The following DHRSX variants were observed in gnomAD, a reference collection of about 807,000 sequenced individuals.
DHRSX encodes polyprenol dehydrogenase.
Under a neutral mutation model 34.0 loss-of-function variants are expected in DHRSX, and 31 were observed. The observed-to-expected ratio is 0.91, with a 90% confidence interval of 0.69 to 1.23. The LOEUF is 1.23. Ranked by LOEUF, DHRSX falls within the 50% of genes most tolerant of loss-of-function variation. The pLI, the probability that DHRSX is intolerant of heterozygous loss-of-function variation, is 0.00. For missense variants in DHRSX, 414 were observed against 428.1 expected (o/e 0.97, Z 0.29); for synonymous variants, 201 against 183.8 (o/e 1.09, Z -0.76).
rs781233833 is a variant in DHRSX, at chrX:2,357,700, TAAAAAAAAAAAA to T, written c.286+51033_286+51044del. ...TCAAACACTTTGGGACTCAGGAAAT[TAAAAAAAAAAAA>T]AAAAAAAAGAATCATTGCTTGTTTC... is the stretch of plus-strand genomic sequence containing the variant. On this transcript the variant is annotated intron_variant, in intron 3 of 6. Transcript: ENST00000334651. Among the ~76,000 whole-genome samples the T allele has an allele frequency of 6.4e-5, 8 of 125,178 alleles. No individual in the cohort carries two copies. The South Asian group carries it at 1.8e-3, about 28-fold the overall frequency. 82.1% of individuals were successfully genotyped at this position (125,178 alleles called of 152,430 possible).
chrX:2,312,437 A>G (rs757989929), intron 3 of DHRSX, among the ~76,000 whole-genome samples: 42 of 152,224 alleles, frequency 2.8e-4, no homozygotes, highest in African/African-American at 9.1e-4. Flanking sequence ...ACATGGATGA[A>G]GCTGGAAACC....
At chrX:2,258,042 G>A in intron 5 of DHRSX, among the ~76,000 whole-genome samples, 1 of 151,960 alleles carries the variant, frequency 6.6e-6, no homozygotes, top group African/African-American at 2.4e-5. Context: ...GACACACACA[G>A]AGGGACAACC....
chrX:2,346,225 A>T (rs2042709100), intron 3 of DHRSX, among the ~76,000 whole-genome samples: 2 of 130,780 alleles, frequency 1.5e-5, no homozygotes, highest in African/African-American at 5.5e-5. Context: ...GCATCTGGAC[A>T]CGCAGCTACA....
chrX:2,302,612 A>AAATAAAT (rs1569485581), intron 3 of DHRSX, among the ~76,000 whole-genome samples: 18 of 149,866 alleles, frequency 1.2e-4, no homozygotes, highest in Non-Finnish European at 2.4e-4. Context: ...ACTGTCTCAA[A>AAATAAAT]AAATAAATAA....
intron 3 of DHRSX, among the ~76,000 whole-genome samples, chrX:2,317,405 C>CCA (rs1569487986): frequency 6.6e-6 from 1 of 151,770 alleles, no homozygotes; most frequent in African/African-American, 2.4e-5. Context: ...GCATGCAACG[C>CCA]CACGCCCTGC....
Position 2,324,520 on chromosome X carries a change from G to A in DHRSX, c.287-32917C>T, listed in dbSNP as rs759397013. ...CCAGCCCTTGAGCTGCTTGACCTGT[G>A]CTTGCAAGGGTTCCATAACACTGGA... On this transcript the variant is annotated intron_variant, in intron 3 of 6. Transcript: ENST00000334651. Among the ~76,000 whole-genome samples, 45 of 152,192 alleles carry A rather than the reference G, an allele frequency of 3.0e-4. No individual in the cohort carries two copies. The South Asian group carries it at 9.1e-3, about 31-fold the overall frequency.
intron 3 of DHRSX, among the ~76,000 whole-genome samples, chrX:2,315,099 G>A (rs368684371): frequency 2.7e-4 from 41 of 152,018 alleles, no homozygotes; most frequent in African/African-American, 7.5e-4. Context: ...TGGAGGTTGC[G>A]GTGAGCTGAG....
intron 1 of DHRSX, among the ~76,000 whole-genome samples, chrX:2,438,178 GAA>G (rs57891933): frequency 1.5e-3 from 185 of 127,036 alleles, no homozygotes; most frequent in South Asian, 5.7e-3. Flanking sequence ...CTCCATCTCA[GAA>G]AAAAAAAAAA....
At chrX:2,374,225 G>A (rs187504423) in intron 3 of DHRSX, among the ~76,000 whole-genome samples, 22 of 152,204 alleles carry the variant, frequency 1.4e-4, no homozygotes, top group Non-Finnish European at 2.9e-4. Flanking sequence ...GCATGCCACC[G>A]TGCCTGGCTG....
rs73632307 is a variant in DHRSX at position 2,405,940 on chromosome X, T to C, written c.286+2805A>G. Among the ~76,000 whole-genome samples, 108 of 148,668 alleles carry C rather than the reference T, an allele frequency of 7.3e-4. 1 individual carries two copies. Among genetic ancestry groups the C allele is most frequent in the African/African-American group, 2.6e-3 (105 of 40,494 alleles). ...AAAAATAAGGTACCACACATAAACA[T>C]GGCCGAGAAAAGCACTTAGCATTTG... is the stretch of plus-strand genomic sequence containing the variant. On this transcript the variant is annotated intron_variant, in intron 3 of 6. Transcript: ENST00000334651.
At chrX:2,235,779 C>G (rs1274811545) in intron 6 of DHRSX, among the ~76,000 whole-genome samples, 1 of 148,388 alleles carries the variant, frequency 6.7e-6, no homozygotes, top group Non-Finnish European at 1.5e-5. Context: ...GAAATCCGCA[C>G]CTGTACTCTT....
At chrX:2,239,436 G>T (rs988223395) in intron 6 of DHRSX, among the ~76,000 whole-genome samples, 1 of 151,722 alleles carries the variant, frequency 6.6e-6, no homozygotes, top group Non-Finnish European at 1.5e-5. Context: ...AGCAGCCAGG[G>T]TGACAGAGCA....
chrX:2,416,220 C>G (rs1352140486), intron 2 of DHRSX, among the ~76,000 whole-genome samples: 1 of 151,912 alleles, frequency 6.6e-6, no homozygotes, highest in Non-Finnish European at 1.5e-5. Flanking sequence ...CATGACCAAT[C>G]AACTAGACCT....
chrX:2,353,702 GC>G (rs2042815031), intron 3 of DHRSX, among the ~76,000 whole-genome samples: 2 of 150,988 alleles, frequency 1.3e-5, no homozygotes, highest in Admixed American at 1.3e-4. Flanking sequence ...TCCTGCCTCA[GC>G]CCCCTGAGTA....
At chrX:2,359,204 G>A (rs949181114) in intron 3 of DHRSX, among the ~76,000 whole-genome samples, 2 of 152,094 alleles carry the variant, frequency 1.3e-5, no homozygotes, top group Admixed American at 1.3e-4. Flanking sequence ...ATTCCTCAAA[G>A]ACCTAAAAAC....
At chrX:2,227,467 G>A (rs1381464813) in intron 6 of DHRSX, among the ~76,000 whole-genome samples, 2 of 145,294 alleles carry the variant, frequency 1.4e-5, no homozygotes, top group African/African-American at 5.1e-5. Context: ...CAGTAAGAAA[G>A]GAAGGAAGCA....
chrX:2,347,238 G>C (rs111299384), intron 3 of DHRSX, among the ~76,000 whole-genome samples: 7 of 152,100 alleles, frequency 4.6e-5, no homozygotes, highest in African/African-American at 1.4e-4. Context: ...GTCTCACATT[G>C]TGACAGACAA....
chrX:2,410,285 G>C (rs28421374), intron 2 of DHRSX, among the ~76,000 whole-genome samples: 17,042 of 152,090 alleles, frequency 0.11, 2,814 homozygotes, highest in African/African-American at 0.36. Flanking sequence ...CTTTCAGGGA[G>C]GGTCACGGAA....
At chrX:2,462,293 T>C (rs1350316971) in intron 1 of DHRSX, among the ~76,000 whole-genome samples, 1 of 152,184 alleles carries the variant, frequency 6.6e-6, no homozygotes, top group Non-Finnish European at 1.5e-5. Context: ...GAACAATGTT[T>C]ACTTGTCAAA....
Sources: allele counts gnomAD v4.1 joint callset (sites outside exome capture counted in the v4.1 genomes callset), GRCh38; gene constraint gnomAD v4.1.1; transcripts MANE v1.5; gene names NCBI Gene and HGNC (gene_info 2026-07-23, HGNC 2026-07-21).